DDX19A: variants seen among roughly 807,000 people sequenced by gnomAD.
DDX19A encodes DEAD-box helicase 19A.
Under a neutral mutation model 60.6 loss-of-function variants are expected in DDX19A, and 12 were observed. The ratio of observed to expected loss-of-function variants is 0.20; its 90% confidence interval spans 0.13 to 0.32. The LOEUF (loss-of-function observed/expected upper bound fraction) is 0.32. DDX19A is among the 10% of genes least tolerant of loss of function. The pLI, the probability that DDX19A is intolerant of heterozygous loss-of-function variation, is 1.00. For missense variants in DDX19A, 337 were observed against 600.6 expected, an observed-to-expected ratio of 0.56 and a Z score of 4.59; for synonymous variants, 206 against 218.2, an observed-to-expected ratio of 0.94 and a Z score of 0.49.
At chr16:70,359,143 A>G (rs951412629) in intron 4 of DDX19A, among the ~76,000 whole-genome samples, 1 of 152,182 alleles carries the variant, frequency 6.6e-6, no homozygotes, top group Non-Finnish European at 1.5e-5. Flanking sequence ...AAGATCACCT[A>G]ATGTACTTGG....
At position 70,372,904 on chromosome 16, in the gene DDX19A, C is replaced by T. The variant is rs1320061948; in HGVS notation, c.*918C>T. 2 of 152,170 alleles carry T rather than the reference C, an allele frequency of 1.3e-5. No individual in the cohort carries two copies. Among genetic ancestry groups the T allele is most frequent in the Non-Finnish European group, 2.9e-5 (2 of 68,040 alleles). 9.4% of individuals were successfully genotyped at this position (152,170 alleles called of 1,614,324 possible). ...TATGCTGTTCATTTATAATAGTGGA[C>T]ATTATGGAGAGCTCTGATTCCTACA... On this transcript the variant is annotated 3_prime_UTR_variant, in exon 12 of 12. Transcript: ENST00000302243.
chr16:70,371,505 G>A lies in DDX19A; in HGVS notation c.1317G>A (p.Val439=). The A allele has an allele frequency of 6.3e-7, 1 of 1,578,982 alleles. No individual in the cohort carries two copies. Among genetic ancestry groups the A allele is most frequent in the Non-Finnish European group, 8.6e-7 (1 of 1,159,794 alleles). The change falls in exon 11 of 12, where the codon GTG becomes GTA. Residue 439 remains valine (V), a synonymous_variant. Transcript: ENST00000302243. The part of the protein sequence containing the change: ...TGRFGKRGLA[V]NMVDSKHSMN... ...GCTTTGGCAAGAGGGGCCTGGCAGT[G>A]AACATGGTGGACAGCAAGCACAGCA...
rs138660103 is a variant in DDX19A, at chr16:70,366,189, G to C, written c.709G>C (p.Val237Leu). The part of the protein sequence containing the change: ...LKFIDPKKIK[V>L]FVLDEADVMI... ...GTTCATTGATCCCAAGAAAATCAAG[G>C]TGTTTGTTCTGGATGAGGCTGATGT... The change falls in exon 8 of 12, where the codon GTG (valine) becomes CTG (leucine). Residue 237 changes from valine to leucine, a missense_variant. Coordinates refer to ENST00000302243, the MANE Select transcript of DDX19A (RefSeq NM_018332.5). 1.2e-6 allele frequency: 2 copies of C among 1,613,994 alleles called. No individual in the cohort carries two copies. The highest frequency in any genetic ancestry group is 1.7e-6 in the Non-Finnish European group (2 of 1,180,034).
chr16:70,371,150 C>G (rs983640327), intron 10 of DDX19A: 1 of 739,178 alleles, frequency 1.4e-6, no homozygotes, highest in African/African-American at 1.8e-5. Context: ...CAGAGGATTA[C>G]CGACTGATCT....
intron 9 of DDX19A, among the ~76,000 whole-genome samples, chr16:70,367,644 G>A (rs112251676): frequency 9.9e-5 from 15 of 152,106 alleles, no homozygotes; most frequent in African/African-American, 3.6e-4. Context: ...TTGGCAGGCC[G>A]AGACAGGCGG....
chr16:70,367,038 C>T (rs565739174), intron 9 of DDX19A, among the ~76,000 whole-genome samples, 177 bp downstream of exon 9: 122 of 152,242 alleles, frequency 8.0e-4, no homozygotes, highest in African/African-American at 2.9e-3. Flanking sequence ...GATACATAGC[C>T]TAAAGATAGA....
intron 5 of DDX19A, 57 bp from the exon 6 acceptor site, chr16:70,364,486 T>G: frequency 3.8e-6 from 5 of 1,328,380 alleles, no homozygotes; most frequent in Non-Finnish European, 5.4e-6. Context: ...AAGAACATTT[T>G]GACATGTTAC....
At position 70,361,406 on chromosome 16, in the gene DDX19A, C is replaced by T; in HGVS notation, c.294-12C>T. On this transcript the variant is annotated splice_polypyrimidine_tract_variant and intron_variant, in intron 4 of 11. Coordinates refer to ENST00000302243, the MANE Select transcript of DDX19A (RefSeq NM_018332.5). ...TTCTAGGCATCCATCCTCTGTCTTC[C>T]TGGCTTCCTAGGAAACCACAGCTTC... 6.2e-7 allele frequency: 1 copy of T among 1,600,156 alleles called. No homozygotes were observed.
At chr16:70,369,572 A>G (rs1964621170) in intron 9 of DDX19A, among the ~76,000 whole-genome samples, 2 of 147,944 alleles carry the variant, frequency 1.4e-5, no homozygotes, top group African/African-American at 5.0e-5. Flanking sequence ...ATCTTGCCCC[A>G]GGTTAAATAT....
Position 70,360,239 on chromosome 16 carries a change from C to T in DDX19A, c.294-1179C>T, listed in dbSNP as rs1000600015. 2.0e-5 allele frequency among the ~76,000 whole-genome samples: 3 copies of T among 151,330 alleles called. No individual in the cohort carries two copies. In the South Asian group the frequency reaches 6.2e-4, roughly 32 times the overall value. ...GAGGTTGCAGTGAGCCAAGATCACG[C>T]TATTGCACTCTAGCTTGAGCAACAG... On this transcript the variant is annotated intron_variant, in intron 4 of 11. Transcript: ENST00000302243.
At chr16:70,358,476 C>CTT (rs113552631) in intron 4 of DDX19A, among the ~76,000 whole-genome samples, 1 of 140,830 alleles carries the variant, frequency 7.1e-6, no homozygotes, top group Non-Finnish European at 1.6e-5. Context: ...GGCCCAATAA[C>CTT]TTTTTTTTTT....
chr16:70,348,801 G>A lies in DDX19A; in HGVS notation c.57+1753G>A, dbSNP rs113405048. 4.1e-3 allele frequency among the ~76,000 whole-genome samples: 618 copies of A among 151,924 alleles called. 5 individuals are homozygous for A. Among genetic ancestry groups the A allele is most frequent in the African/African-American group, 0.014 (562 of 41,414 alleles). On this transcript the variant is annotated intron_variant, in intron 1 of 11. Transcript: ENST00000302243. ...CAAAAATACAAAAAAAATTAGCTGG[G>A]CGGGGTGGTGGTACACTCCTGTAGT... is the stretch of plus-strand genomic sequence containing the variant.
chr16:70,366,573 C>G (rs367929194), intron 8 of DDX19A, 51 bp from the exon 9 acceptor site: 2 of 1,609,336 alleles, frequency 1.2e-6, no homozygotes, highest in South Asian at 1.1e-5. Context: ...GCTGTGCTTC[C>G]GTTGCTTCCC....
Position 70,355,545 on chromosome 16 carries a change from T to C in DDX19A, c.157+10T>C, listed in dbSNP as rs535937803. The C allele has an allele frequency of 4.5e-5, 73 of 1,613,274 alleles. No homozygotes were observed. The South Asian group carries it at 7.1e-4, about 16-fold the overall frequency. ...GATGAAGAGGAGAAAGGTAACTACT[T>C]TTGGATGCCCTTGGCAAGAGACGGT... On this transcript the variant is annotated intron_variant, in intron 3 of 11. Transcript: ENST00000302243.
rs762762482 is a variant in DDX19A at position 70,372,389 on chromosome 16, G to T, written c.*403G>T. 3.0e-5 allele frequency: 8 copies of T among 266,792 alleles called. No individual in the cohort carries two copies. The highest frequency in any genetic ancestry group is 5.1e-5 in the Non-Finnish European group (7 of 138,032). The allele number at this position is 266,792 out of a possible 1,614,324, so 16.5% of individuals were successfully genotyped here. Reference sequence around the variant, plus strand: ...AGTGGAAAATGGTGTGAGCCCCACCGCTGTGCATCGAATGAGGGAAGTGGC... The same window carrying T: ...AGTGGAAAATGGTGTGAGCCCCACCTCTGTGCATCGAATGAGGGAAGTGGC... On this transcript the variant is annotated 3_prime_UTR_variant, in exon 12 of 12. Coordinates refer to ENST00000302243, the MANE Select transcript of DDX19A (RefSeq NM_018332.5).
chr16:70,371,785 G>T, intron 11 of DDX19A, 140 bp from the exon 12 acceptor site: 2 of 1,373,690 alleles, frequency 1.5e-6, no homozygotes, highest in South Asian at 1.3e-5. Flanking sequence ...GTGGGGCTCT[G>T]ACTGTTGCTG....
chr16:70,354,463 A>G (rs1165521224), intron 2 of DDX19A, among the ~76,000 whole-genome samples: 1 of 152,164 alleles, frequency 6.6e-6, no homozygotes, highest in Non-Finnish European at 1.5e-5. Context: ...TAATATTTCC[A>G]TCAGCAAGAA....
chr16:70,355,621 TC>T, intron 3 of DDX19A, 86 bp downstream of exon 3: 1 of 1,058,174 alleles, frequency 9.5e-7, no homozygotes, highest in Non-Finnish European at 1.5e-6. Context: ...AGCTACAAGA[TC>T]CAGGAGATGA....
chr16:70,352,371 G>A (rs910792319), intron 2 of DDX19A, among the ~76,000 whole-genome samples: 3 of 141,506 alleles, frequency 2.1e-5, no homozygotes, highest in East Asian at 2.2e-4. Flanking sequence ...TCCAACCTCC[G>A]CCTCCCGGGT....
Sources: gnomAD v4.1 joint callset for allele counts (sites outside exome capture counted in the v4.1 genomes callset) on GRCh38, gnomAD v4.1.1 for gene constraint, MANE v1.5 for transcripts, NCBI Gene and HGNC (gene_info 2026-07-23, HGNC 2026-07-21) for gene names.